The following PSD2 variants were observed in gnomAD, a reference collection of about 807,000 sequenced individuals.
The protein encoded by PSD2 is PH and SEC7 domain-containing protein 2.
In PSD2, 38 loss-of-function variants were observed where a neutral mutation model predicts 69.8. The ratio of observed to expected loss-of-function variants is 0.54; its 90% CI spans 0.42 to 0.71. The LOEUF is 0.71. Ranked by LOEUF, PSD2 falls within the 30% of genes least tolerant of loss-of-function variation. The pLI, the probability that PSD2 is intolerant of heterozygous loss-of-function variation, is 0.00. For missense variants in PSD2, 943 were observed against 1,014.5 expected, an observed-to-expected ratio of 0.93 and a Z score of 0.96; for synonymous variants, 412 against 423.0, an observed-to-expected ratio of 0.97 and a Z score of 0.32.
At chr5:139,761,090 G>T in the PSD2 span, among the ~76,000 whole-genome samples, 1 of 152,150 alleles carries the variant, frequency 6.6e-6, no homozygotes, top group Admixed American at 6.5e-5. Context: ...AGAGAAGAAA[G>T]ACTCAGGGGC....
chr5:139,744,664 A>G, the PSD2 span, among the ~76,000 whole-genome samples: 2 of 152,054 alleles, frequency 1.3e-5, no homozygotes, highest in Non-Finnish European at 2.9e-5. Flanking sequence ...ACACACACAA[A>G]TGCACACATG....
chr5:139,813,557 G>C lies in PSD2; in HGVS notation c.620G>C (p.Gly207Ala). The part of the protein sequence containing the change: ...GLGIGDMAFE[G>A]DMGAAGGDGE... ...GGCATTGGGGACATGGCGTTTGAGG[G>C]GGACATGGGGGCAGCTGGTGGTGAT... is the stretch of plus-strand genomic sequence containing the variant. The change falls in exon 3 of 15, where the codon GGG becomes GCG. Residue 207 changes from glycine (G) to alanine (A), a missense_variant. By Grantham distance (60) the Gly-to-Ala change is moderately conservative. This residue lies in a region of PSD2 where 466 missense variants were observed against 445.0 expected (regional missense o/e 1.05). Coordinates refer to ENST00000274710, the MANE Select transcript of PSD2 (RefSeq NM_032289.4). 6.2e-7 allele frequency: 1 copy of C among 1,611,218 alleles called. No individual in the cohort carries two copies. The highest frequency in any genetic ancestry group is 1.3e-5 in the African/African-American group (1 of 75,032).
chr5:139,748,745 C>T, the PSD2 span, among the ~76,000 whole-genome samples: 2 of 152,270 alleles, frequency 1.3e-5, no homozygotes, highest in African/African-American at 4.8e-5. Flanking sequence ...AGGCAATGCT[C>T]GTCTGTCTCG....
At chr5:139,828,263 C>T (rs1760480897) in intron 7 of PSD2, among the ~76,000 whole-genome samples, 1 of 151,946 alleles carries the variant, frequency 6.6e-6, no homozygotes, top group Non-Finnish European at 1.5e-5. Flanking sequence ...GGGAGAACCA[C>T]CAGGGTTGAG....
the PSD2 span, among the ~76,000 whole-genome samples, chr5:139,765,889 G>T: frequency 3.5e-5 from 5 of 142,566 alleles, no homozygotes; most frequent in African/African-American, 1.0e-4. Flanking sequence ...GGTGGCTGCT[G>T]AGCAGTACAG....
chr5:139,830,823 CTTTTT>C (rs60786662), intron 7 of PSD2, among the ~76,000 whole-genome samples: 1 of 82,948 alleles, frequency 1.2e-5, no homozygotes, highest in African/African-American at 5.0e-5. Context: ...CCTGGACTTG[CTTTTT>C]TTTTTTTTTT....
the PSD2 span, among the ~76,000 whole-genome samples, chr5:139,766,929 CCTTCTTT>C: frequency 4.1e-4 from 8 of 19,514 alleles, no homozygotes; most frequent in South Asian, 3.4e-3. Context: ...TCCTTCCTTC[CCTTCTTT>C]CTTTCTTTCT....
chr5:139,819,521 A>C (rs1760203037), intron 5 of PSD2, among the ~76,000 whole-genome samples: 1 of 152,170 alleles, frequency 6.6e-6, no homozygotes, highest in Non-Finnish European at 1.5e-5. Context: ...CCATGTGTTT[A>C]CAGCCCCTGA....
At chr5:139,765,611 C>A in the PSD2 span, among the ~76,000 whole-genome samples, 1 of 152,250 alleles carries the variant, frequency 6.6e-6, no homozygotes, top group Non-Finnish European at 1.5e-5. Context: ...TCCGCCGGGC[C>A]GCAGTGCTCG....
intron 7 of PSD2, among the ~76,000 whole-genome samples, chr5:139,825,741 A>T (rs1157369925): frequency 1.3e-5 from 2 of 152,046 alleles, no homozygotes; most frequent in Non-Finnish European, 2.9e-5. Flanking sequence ...TGTGTTTCTG[A>T]TGCCTCTAGA....
chr5:139,814,340 A>T lies in PSD2; in HGVS notation c.992A>T (p.Asp331Val). The change falls in exon 4 of 15, where the codon GAT becomes GTT. Residue 331 changes from aspartate to valine, a missense_variant. Around this residue, in one of 3 missense-constraint regions of PSD2, gnomAD observed 466 missense variants for 445.0 expected, o/e 1.05. Coordinates refer to ENST00000274710, the MANE Select transcript of PSD2 (RefSeq NM_032289.4). This position sits in a 1 kb window ranked among gnomAD's most constrained non-coding sequence, Gnocchi z 4.4. ...LYHLEGFQRC[D>V]VARQLGKNNE... ...CACCTCGAGGGCTTCCAGCGCTGTG[A>T]TGTGGCCCGGCAGCTGGGCAAGAAG... 1 of 1,605,448 alleles carries T rather than the reference A, an allele frequency of 6.2e-7. No individual in the cohort carries two copies.
the PSD2 span, among the ~76,000 whole-genome samples, chr5:139,743,018 G>A: frequency 6.6e-6 from 1 of 152,208 alleles, no homozygotes; most frequent in Admixed American, 6.5e-5. Flanking sequence ...GGCCCTGTGG[G>A]GGCTCAGAAC....
At chr5:139,817,159 T>G (rs1042146436) in intron 4 of PSD2, among the ~76,000 whole-genome samples, 1 of 152,246 alleles carries the variant, frequency 6.6e-6, no homozygotes, top group Admixed American at 6.5e-5. Flanking sequence ...CTTTAGGTTC[T>G]GGCCACATGG....
the PSD2 span, among the ~76,000 whole-genome samples, chr5:139,790,298 G>A: frequency 1.3e-5 from 2 of 152,104 alleles, no homozygotes; most frequent in African/African-American, 4.8e-5. Flanking sequence ...AGATGGAACT[G>A]CTCTTTGGAT....
the PSD2 span, among the ~76,000 whole-genome samples, chr5:139,765,998 GGCGGCGA>G: frequency 3.3e-5 from 5 of 152,164 alleles, no homozygotes; most frequent in African/African-American, 9.6e-5. Context: ...TCCTCAAGCT[GGCGGCGA>G]TGGGGTGACG....
At chr5:139,750,414 T>C in the PSD2 span, among the ~76,000 whole-genome samples, 1 of 152,144 alleles carries the variant, frequency 6.6e-6, no homozygotes, top group Admixed American at 6.5e-5. Flanking sequence ...CCCATTCCTG[T>C]TGCTCCCTCT....
rs1760802061 is a variant in PSD2 at position 139,838,773 on chromosome 5, G to A, written c.1968+1G>A. 1 of 1,610,624 alleles carries A rather than the reference G, an allele frequency of 6.2e-7. No homozygotes were observed. The highest frequency in any genetic ancestry group is 1.3e-5 in the African/African-American group (1 of 74,828). ...CTCCTGCACCACCCGCCTCTGCCAG[G>A]TACATGTTCCTGGGTCAACATTTTG... On this transcript the variant is annotated splice_donor_variant, in intron 13 of 14. Coordinates refer to ENST00000274710, the MANE Select transcript of PSD2 (RefSeq NM_032289.4). LOFTEE classifies it high-confidence loss of function.
In PSD2 at chr5:139,822,233, A is replaced by T. The variant is rs550183444; in HGVS notation, c.1210+228A>T. ...GCCTGTTCTCCTCCCCACTGCCTGG[A>T]AGTCCCTCCAGCCTCGGGATTCAGC... On this transcript the variant is annotated intron_variant, in intron 6 of 14. Transcript: ENST00000274710. Among the ~76,000 whole-genome samples the T allele has an allele frequency of 2.6e-5, 4 of 152,298 alleles. No homozygotes were observed. The East Asian group carries it at 7.7e-4, about 29-fold the overall frequency.
At chr5:139,835,677 T>C (rs754112369) in intron 8 of PSD2, 46 bp from the exon 9 acceptor site, 1 of 1,594,452 alleles carries the variant, frequency 6.3e-7, no homozygotes, top group Non-Finnish European at 8.6e-7. Context: ...GAGGGTTTCT[T>C]TGACCCTTCA....
Sources: allele counts gnomAD v4.1 joint callset (sites outside exome capture counted in the v4.1 genomes callset), GRCh38; gene constraint gnomAD v4.1.1; regional missense constraint gnomAD v4.1.1; non-coding constraint Gnocchi (gnomAD v3.1); transcripts MANE v1.5; gene names NCBI Gene and HGNC (gene_info 2026-07-23, HGNC 2026-07-21).